The following SEC16A variants were observed in gnomAD, a reference collection of about 807,000 sequenced individuals.
The protein encoded by SEC16A is protein transport protein Sec16A.
SEC16A carries 110 observed loss-of-function variants against 221.9 expected under a neutral mutation model. The ratio of observed to expected loss-of-function variants is 0.50; its 90% CI spans 0.42 to 0.58. The LOEUF (loss-of-function observed/expected upper bound fraction) is 0.58, where lower values mean the gene tolerates loss of function less well. SEC16A is among the 20% of genes least tolerant of loss of function. The probability of loss-of-function intolerance (pLI) is 0.00; values close to 1 mark genes in which losing one functional copy is unlikely to be tolerated. For missense variants in SEC16A, 3,165 were observed against 3,097.8 expected (o/e 1.02, Z -0.52); for synonymous variants, 1,393 against 1,257.7 (o/e 1.11, Z -2.28).
chr9:136,480,565 G>C (rs1236871543), intron 1 of SEC16A, among the ~76,000 whole-genome samples: 2 of 152,152 alleles, frequency 1.3e-5, no homozygotes. Flanking sequence ...TCTACTCACA[G>C]TGGATTCTGG....
Position 136,475,485 on chromosome 9 carries a change from TG to T in SEC16A, c.2130del (p.Arg711GlyfsTer6), listed in dbSNP as rs1486482685. 1 of 1,607,776 alleles carries T rather than the reference TG, an allele frequency of 6.2e-7. No individual in the cohort carries two copies. Among genetic ancestry groups the T allele is most frequent in the Non-Finnish European group, 8.5e-7 (1 of 1,175,834 alleles). On this transcript the variant is annotated frameshift_variant, in exon 3 of 32. Coordinates refer to ENST00000684901, the MANE Select transcript of SEC16A (RefSeq NM_014866.2). LOFTEE classifies it high-confidence loss of function. This position sits in a 1 kb window ranked among gnomAD's most constrained non-coding sequence, Gnocchi z 5.0. Reference sequence around the variant, plus strand: ...TCACACTTCACGGGCCCCTGGGTCCTGGCTGAAGGCCTCTTCTCGGGTGCTG... The same window carrying T: ...TCACACTTCACGGGCCCCTGGGTCCTGCTGAAGGCCTCTTCTCGGGTGCTG... ...VYPAPEKRPS[A>X]RTQGPVKCES...
chr9:136,446,958 G>T lies in SEC16A; in HGVS notation c.6698-9C>A. On this transcript the variant is annotated splice_polypyrimidine_tract_variant and intron_variant, in intron 27 of 31. Coordinates refer to ENST00000684901, the MANE Select transcript of SEC16A (RefSeq NM_014866.2). ...CTGTGGTTCTTCTGCATCTGGGGAT[G>T]AGAGAGCGAGGAGGCCATCATTCCG... 1 of 1,613,534 alleles carries T rather than the reference G, an allele frequency of 6.2e-7. No individual in the cohort carries two copies. The highest frequency in any genetic ancestry group is 8.5e-7 in the Non-Finnish European group (1 of 1,179,866).
chr9:136,451,186 C>A, intron 23 of SEC16A, 70 bp downstream of exon 23: 1 of 1,497,408 alleles, frequency 6.7e-7, no homozygotes, highest in Non-Finnish European at 9.1e-7. Flanking sequence ...AAGAGGATGG[C>A]GCTCTGGGAA....
intron 28 of SEC16A, among the ~76,000 whole-genome samples, chr9:136,446,362 G>C (rs1204910219): frequency 2.0e-5 from 3 of 151,682 alleles, no homozygotes; most frequent in Admixed American, 6.6e-5. Context: ...GCCCAGCTCA[G>C]CCTCCCAAAG....
rs1381400136 is a variant in SEC16A, at chr9:136,440,784, C to T, written c.*971G>A. The T allele has an allele frequency of 7.2e-5, 11 of 152,442 alleles. No homozygotes were observed. Among genetic ancestry groups the T allele is most frequent in the Admixed American group, 4.6e-4 (7 of 15,288 alleles). The allele number at this position is 152,442 out of a possible 1,614,324, so 9.4% of individuals were successfully genotyped here. ...TCCCCAAGTGCTACCAACCTCTGAA[C>T]CAACGTCCCCCAGGGGAGAAAGTGG... On this transcript the variant is annotated 3_prime_UTR_variant, in exon 32 of 32. Coordinates refer to ENST00000684901, the MANE Select transcript of SEC16A (RefSeq NM_014866.2).
intron 19 of SEC16A, 34 bp downstream of exon 19, chr9:136,456,019 G>T (rs763938789): frequency 6.5e-7 from 1 of 1,546,512 alleles, no homozygotes; most frequent in African/African-American, 1.4e-5. Flanking sequence ...CACCTTGCCA[G>T]ACGCCTCTGT....
chr9:136,470,919 G>A (rs1295160276), intron 4 of SEC16A, among the ~76,000 whole-genome samples: 1 of 152,210 alleles, frequency 6.6e-6, no homozygotes, highest in Non-Finnish European at 1.5e-5. Flanking sequence ...AGCAAGTGCA[G>A]CTAAGGCCCT....
chr9:136,450,560 GTGCCCAGCGTCACACCTCGCTGTGGAGA>G (rs1045305334), intron 23 of SEC16A, among the ~76,000 whole-genome samples: 6 of 152,134 alleles, frequency 3.9e-5, no homozygotes, highest in Non-Finnish European at 8.8e-5. Context: ...ACACGAGAAG[GTGCCCAGCGTCACACCTCGCTGTGGAGA>G]TGCAGAGGAA....
At chr9:136,443,962 T>C (rs1588858103) in intron 30 of SEC16A, 62 bp from the exon 31 acceptor site, 2 of 1,219,234 alleles carry the variant, frequency 1.6e-6, no homozygotes, top group African/African-American at 1.5e-5. Context: ...TCACTTCAAG[T>C]GCAGATACAG....
At chr9:136,454,436 T>A in intron 20 of SEC16A, 109 bp from the exon 21 acceptor site, 1 of 1,042,382 alleles carries the variant, frequency 9.6e-7, no homozygotes, top group Non-Finnish European at 1.5e-6. Flanking sequence ...TACAGCCCCA[T>A]TTCTTTTATA....
rs1159604190 is a variant in SEC16A at position 136,475,137 on chromosome 9, G to A, written c.2479C>T (p.Pro827Ser). ...TGATCAGGCTGAGCAATCAAGACTG[G>A]AGGATTCTGCAGAGACTCAGTGGGC... ...SPPTESLQNP[P>S]VLIAQPDHSY... Residue 827 changes from proline (P) to serine (S), a missense_variant, in exon 3 of 32, where the codon CCA becomes TCA. By Grantham distance (74) the Pro-to-Ser change is moderately conservative. Transcript: ENST00000684901. The surrounding 1 kb of genome is among the most constrained non-coding windows in gnomAD (Gnocchi z 5.0). 1.2e-6 allele frequency: 2 copies of A among 1,613,942 alleles called. No individual in the cohort carries two copies. Among genetic ancestry groups the A allele is most frequent in the Admixed American group, 1.7e-5 (1 of 60,018 alleles).
rs1481707790 is a variant in SEC16A at position 136,447,293 on chromosome 9, G to A, written c.6631C>T (p.Pro2211Ser). Residue 2211 changes from proline to serine, a missense_variant, in exon 27 of 32, where the codon CCT (proline) becomes TCT (serine). Transcript: ENST00000684901. This position sits in a 1 kb window ranked among gnomAD's most constrained non-coding sequence, Gnocchi z 5.5. Reference sequence around the variant, plus strand: ...GCGAGTGGAGCGACAAAGTCCGCAGGAGCGAGAGCCGGCTCGCTCCGCTGG... The same window carrying A: ...GCGAGTGGAGCGACAAAGTCCGCAGAAGCGAGAGCCGGCTCGCTCCGCTGG... ...GTQRSEPALA[P>S]ADFVAPLAPL... 4 of 1,597,662 alleles carry A rather than the reference G, an allele frequency of 2.5e-6. No homozygotes were observed. The highest frequency in any genetic ancestry group is 3.5e-5 in the Admixed American group (2 of 57,256).
At chr9:136,457,400 T>G in intron 18 of SEC16A, 44 bp downstream of exon 18, 2 of 1,557,154 alleles carry the variant, frequency 1.3e-6, no homozygotes, top group East Asian at 2.4e-5. Context: ...CCTCCTTCCC[T>G]GCAGTCAGCA....
In SEC16A at chr9:136,476,566, T is replaced by C. The variant is rs765172997; in HGVS notation, c.1050A>G (p.Pro350=). 9 of 1,610,010 alleles carry C rather than the reference T, an allele frequency of 5.6e-6. No individual in the cohort carries two copies. In the Admixed American group the frequency reaches 6.7e-5, roughly 12 times the overall value. Residue 350 remains proline, a synonymous_variant, in exon 3 of 32, where the codon CCA becomes CCG. Coordinates refer to ENST00000684901, the MANE Select transcript of SEC16A (RefSeq NM_014866.2). ...AGCCAGACCCGGCCCCAGCCCCCAG[T>C]GGGTGGTGCGTACGGTTTTCTGGGC... ...GDSPENRTHH[P]LGAGAGSGCA...
chr9:136,448,234 A>G (rs1413796633), intron 23 of SEC16A, 73 bp from the exon 24 acceptor site: 1 of 1,288,800 alleles, frequency 7.8e-7, no homozygotes, highest in African/African-American at 1.5e-5. Context: ...AAAAAGACAA[A>G]TTCTACATGA....
chr9:136,463,025 C>G lies in SEC16A; in HGVS notation c.4755G>C (p.Glu1585Asp). 2 of 1,612,372 alleles carry G rather than the reference C, an allele frequency of 1.2e-6. No individual in the cohort carries two copies. Among genetic ancestry groups the G allele is most frequent in the Non-Finnish European group, 1.7e-6 (2 of 1,179,894 alleles). Residue 1585 changes from glutamate to aspartate, a missense_variant, in exon 12 of 32, where the codon GAG (glutamate) becomes GAC (aspartate). This residue lies in a region of SEC16A where 1,088 missense variants were observed against 1,089.6 expected (regional missense o/e 1.00). Coordinates refer to ENST00000684901, the MANE Select transcript of SEC16A (RefSeq NM_014866.2). ...NEANLIDFTN[E>D]AVEQVEEEES... is the part of the protein sequence containing the mutation. The stretch of plus-strand genomic sequence containing the variant: ...CCTCCTCTTCCACCTGCTCCACTGC[C>G]TCATTCGTGAAATCAATCAGGTTTG...
rs1396191602 is a variant in SEC16A, at chr9:136,440,520, TCTA to T, written c.*1232_*1234del. 6.5e-6 allele frequency: 1 copy of T among 152,712 alleles called. No individual in the cohort carries two copies. The highest frequency in any genetic ancestry group is 1.5e-5 in the Non-Finnish European group (1 of 68,046). The allele number at this position is 152,712 out of a possible 1,614,324, so 9.5% of individuals were successfully genotyped here. On this transcript the variant is annotated 3_prime_UTR_variant, in exon 32 of 32. Coordinates refer to ENST00000684901, the MANE Select transcript of SEC16A (RefSeq NM_014866.2). ...CCTCCAGCAGAACCTACAGAAATTA[TCTA>T]CTGATTTTTATTAGTATTTAAATCT... is the stretch of plus-strand genomic sequence containing the variant.
rs1427076762 is a variant in SEC16A, at chr9:136,448,628, A to G, written c.6313-467T>C. The G allele has an allele frequency of 3.2e-5, 22 of 694,196 alleles. 1 individual carries two copies. In the Admixed American group the frequency reaches 4.5e-4, roughly 14 times the overall value. The allele number at this position is 694,196 out of a possible 1,614,324, so 43.0% of individuals were successfully genotyped here. ...GAGCAGATCCAGACACACCAGGAGG[A>G]TGGAGGTGGGGAGCAGATCCACAGA... On this transcript the variant is annotated intron_variant, in intron 23 of 31. Transcript: ENST00000684901.
chr9:136,463,381 T>G, intron 11 of SEC16A, 82 bp downstream of exon 11: 1 of 1,550,382 alleles, frequency 6.5e-7, no homozygotes, highest in Non-Finnish European at 8.8e-7. Flanking sequence ...GATCCCGCCC[T>G]GCTCCTTCGG....
Sources: gnomAD v4.1 joint callset for allele counts (sites outside exome capture counted in the v4.1 genomes callset) on GRCh38, gnomAD v4.1.1 for gene constraint, gnomAD v4.1.1 regional missense constraint, Gnocchi (gnomAD v3.1) non-coding constraint, MANE v1.5 for transcripts, NCBI Gene and HGNC (gene_info 2026-07-23, HGNC 2026-07-21) for gene names.